The following RBFOX1 variants were observed in gnomAD, a reference collection of about 807,000 sequenced individuals.
RBFOX1 encodes the protein RNA binding protein fox-1 homolog 1.
In RBFOX1, 8 loss-of-function variants were observed where a neutral mutation model predicts 57.7. The observed-to-expected ratio is 0.14, with a 90% CI of 0.08 to 0.25. The LOEUF is 0.25. RBFOX1 is among the 10% of genes least tolerant of loss of function. The pLI is 1.00. For synonymous variants in RBFOX1, 326 were observed against 222.4 expected, an observed-to-expected ratio of 1.47 and a Z score of -4.15; for missense variants, 611 against 548.5, an observed-to-expected ratio of 1.11 and a Z score of -1.14.
chr16:6,787,937 A>G (rs991591756), intron 3 of RBFOX1, among the ~76,000 whole-genome samples: 9 of 152,178 alleles, frequency 5.9e-5, no homozygotes, highest in Admixed American at 1.3e-4. Flanking sequence ...TGAAAGGCCA[A>G]TGAGGCCGGG....
chr16:6,053,102 C>G (rs1317152595), intron 1 of RBFOX1, among the ~76,000 whole-genome samples: 1 of 152,008 alleles, frequency 6.6e-6, no homozygotes, highest in Non-Finnish European at 1.5e-5. Context: ...GCAATTCTTC[C>G]TTTTAACACT....
chr16:6,475,375 C>A (rs78836227), intron 2 of RBFOX1, among the ~76,000 whole-genome samples: 3,276 of 152,248 alleles, frequency 0.022, 125 homozygotes, highest in African/African-American at 0.075. Context: ...TGCAATAATT[C>A]TGTTTCTTGC....
chr16:5,286,328 G>A (rs2063393915), intron 1 of RBFOX1, among the ~76,000 whole-genome samples: 1 of 152,084 alleles, frequency 6.6e-6, no homozygotes, highest in Non-Finnish European at 1.5e-5. Context: ...TGGGTGGTGT[G>A]TGTGGCATTC....
chr16:7,430,326 C>A (rs931535604), intron 4 of RBFOX1, among the ~76,000 whole-genome samples: 1 of 152,114 alleles, frequency 6.6e-6, no homozygotes, highest in Non-Finnish European at 1.5e-5. Flanking sequence ...CATCTTACTG[C>A]TGATAATATT....
chr16:5,717,564 A>G (rs1190014091), intron 3 of RBFOX1, among the ~76,000 whole-genome samples: 1 of 152,074 alleles, frequency 6.6e-6, no homozygotes, highest in African/African-American at 2.4e-5. Context: ...TTGTATCCTC[A>G]TAGCTTAGCT....
At chr16:7,364,537 G>A (rs1190550514) in intron 4 of RBFOX1, among the ~76,000 whole-genome samples, 1 of 150,114 alleles carries the variant, frequency 6.7e-6, no homozygotes, top group African/African-American at 2.5e-5. Context: ...AGCATTTATT[G>A]GGAGGATATT....
rs189663935 is a variant in RBFOX1 at position 6,812,473 on chromosome 16, A to G, written c.-16+157823A>G. Among the ~76,000 whole-genome samples, 688 of 152,166 alleles carry G rather than the reference A, an allele frequency of 4.5e-3. 4 individuals carry two copies. The highest frequency in any genetic ancestry group is 0.024 in the Middle Eastern group (7 of 294). ...ATTGCAACCTCCACCTCTAGGGTTC[A>G]AGTGATTCTCTTGCCATAGCCTACT... On this transcript the variant is annotated intron_variant, in intron 3 of 15. Transcript: ENST00000550418.
At chr16:5,322,264 A>C (rs1054549247) in intron 1 of RBFOX1, among the ~76,000 whole-genome samples, 2 of 152,202 alleles carry the variant, frequency 1.3e-5, no homozygotes, top group African/African-American at 4.8e-5. Context: ...AGTAAGCCCA[A>C]GGGTAGATGG....
intron 4 of RBFOX1, among the ~76,000 whole-genome samples, chr16:5,903,438 G>A (rs995058357): frequency 1.7e-4 from 26 of 152,146 alleles, no homozygotes. Flanking sequence ...GTTTGCAAAA[G>A]GGGGCATTTA....
At chr16:7,222,090 C>A (rs1273550535) in intron 4 of RBFOX1, among the ~76,000 whole-genome samples, 1 of 152,152 alleles carries the variant, frequency 6.6e-6, no homozygotes, top group Non-Finnish European at 1.5e-5. Context: ...TCACTGCTTC[C>A]AGCTGATATT....
chr16:7,506,824 T>G (rs2073473930), intron 4 of RBFOX1, among the ~76,000 whole-genome samples: 1 of 152,150 alleles, frequency 6.6e-6, no homozygotes, highest in African/African-American at 2.4e-5. Context: ...GGTACCATAA[T>G]GAGTTTAGTA....
At chr16:6,984,608 C>G (rs956437014) in intron 3 of RBFOX1, among the ~76,000 whole-genome samples, 1 of 152,108 alleles carries the variant, frequency 6.6e-6, no homozygotes, top group Admixed American at 6.6e-5. Context: ...AATCTTAGCT[C>G]TGCCCAGTGA....
At chr16:5,500,380 G>C (rs1311155011) in intron 2 of RBFOX1, among the ~76,000 whole-genome samples, 1 of 151,916 alleles carries the variant, frequency 6.6e-6, no homozygotes, top group African/African-American at 2.4e-5. Flanking sequence ...GCAGTACCAT[G>C]CCTGGCTAAT....
chr16:7,169,850 C>A (rs1307867693), intron 4 of RBFOX1, among the ~76,000 whole-genome samples: 1 of 151,936 alleles, frequency 6.6e-6, no homozygotes, highest in African/African-American at 2.4e-5. Context: ...GCAGGCTGAT[C>A]GCTTGAGTCC....
chr16:6,072,534 CTT>C (rs1174153024), intron 1 of RBFOX1, among the ~76,000 whole-genome samples: 7 of 151,876 alleles, frequency 4.6e-5, no homozygotes, highest in African/African-American at 1.4e-4. Flanking sequence ...CATTTATACT[CTT>C]TTTCCATAGT....
chr16:7,456,806 T>C (rs576633588), intron 4 of RBFOX1, among the ~76,000 whole-genome samples: 1 of 152,274 alleles, frequency 6.6e-6, no homozygotes, highest in South Asian at 2.1e-4. Context: ...AAGCCTTCTA[T>C]TCAAGCCCTG....
chr16:6,749,517 G>C (rs1017481546), intron 3 of RBFOX1, among the ~76,000 whole-genome samples: 3 of 152,110 alleles, frequency 2.0e-5, no homozygotes, highest in Non-Finnish European at 4.4e-5. Flanking sequence ...GAGGTTCTGG[G>C]GATTTGAACT....
intron 2 of RBFOX1, among the ~76,000 whole-genome samples, chr16:5,570,457 T>C (rs2046242741): frequency 6.6e-6 from 1 of 152,178 alleles, no homozygotes; most frequent in Admixed American, 6.5e-5. Context: ...GGCAAGCATT[T>C]GATAAGTTGT....
chr16:5,369,607 G>A (rs758509478), intron 1 of RBFOX1, among the ~76,000 whole-genome samples: 3 of 152,202 alleles, frequency 2.0e-5, no homozygotes, highest in Admixed American at 6.5e-5. Context: ...CCTGAGCAGC[G>A]GTCGAGCTGC....
Sources: allele counts gnomAD v4.1 joint callset (sites outside exome capture counted in the v4.1 genomes callset), GRCh38; gene constraint gnomAD v4.1.1; transcripts MANE v1.5; gene names NCBI Gene and HGNC (gene_info 2026-07-23, HGNC 2026-07-21).